WWOX: variants seen among roughly 807,000 people sequenced by gnomAD.
The protein encoded by WWOX is WW domain containing oxidoreductase, also known as WW domain-containing oxidoreductase.
WWOX carries 69 observed loss-of-function variants against 46.2 expected under a neutral mutation model. The ratio of observed to expected loss-of-function variants is 1.49; its 90% confidence interval spans 1.23 to 1.82. WWOX has a LOEUF of 1.82. WWOX is among the 40% of genes most tolerant of loss of function. The pLI is 0.00. For missense variants in WWOX, 919 were observed against 542.6 expected, an observed-to-expected ratio of 1.69 and a Z score of -6.89; for synonymous variants, 359 against 202.6, an observed-to-expected ratio of 1.77 and a Z score of -6.56.
chr16:78,198,801 T>C (rs1328094205), intron 5 of WWOX, among the ~76,000 whole-genome samples: 1 of 152,188 alleles, frequency 6.6e-6, no homozygotes, highest in African/African-American at 2.4e-5. Flanking sequence ...TATATATATA[T>C]GCATTCACAC....
At chr16:78,759,495 T>C (rs2049738133) in intron 8 of WWOX, among the ~76,000 whole-genome samples, 2 of 152,176 alleles carry the variant, frequency 1.3e-5, no homozygotes, top group South Asian at 2.1e-4. Context: ...CCTCTTGACA[T>C]ACAGTGTCAT....
At chr16:78,497,940 C>G (rs935327218) in intron 8 of WWOX, among the ~76,000 whole-genome samples, 16 of 151,870 alleles carry the variant, frequency 1.1e-4, no homozygotes, top group Non-Finnish European at 2.2e-4. Context: ...CAGTAGCTCA[C>G]GCCTGTAATG....
intron 8 of WWOX, among the ~76,000 whole-genome samples, chr16:78,703,519 T>C (rs545916354): frequency 6.6e-6 from 1 of 152,114 alleles, no homozygotes; most frequent in South Asian, 2.1e-4. Flanking sequence ...AGAGGGAGGC[T>C]GAAGCAGGAG....
At chr16:78,703,002 C>G (rs1354301620) in intron 8 of WWOX, among the ~76,000 whole-genome samples, 1 of 152,118 alleles carries the variant, frequency 6.6e-6, no homozygotes, top group African/African-American at 2.4e-5. Context: ...CGCTCCCTTT[C>G]CTAAGAAAAT....
intron 8 of WWOX, among the ~76,000 whole-genome samples, chr16:78,531,120 C>T (rs1198183600): frequency 1.3e-5 from 2 of 152,126 alleles, no homozygotes; most frequent in African/African-American, 4.8e-5. Context: ...TGAGTCTTGG[C>T]ATCTTTTTGG....
At chr16:78,452,793 T>G (rs1388595480) in intron 8 of WWOX, among the ~76,000 whole-genome samples, 9 of 151,140 alleles carry the variant, frequency 6.0e-5, no homozygotes, top group Non-Finnish European at 1.3e-4. Flanking sequence ...AATACGTATT[T>G]ATGTCTTTCG....
chr16:78,991,434 T>C (rs1201331990), intron 8 of WWOX, among the ~76,000 whole-genome samples: 1 of 151,652 alleles, frequency 6.6e-6, no homozygotes, highest in Admixed American at 6.6e-5. Flanking sequence ...TCTCTATAAA[T>C]AATAAAAAAA....
chr16:78,428,664 A>G (rs1481205812), intron 7 of WWOX, among the ~76,000 whole-genome samples: 3 of 152,346 alleles, frequency 2.0e-5, no homozygotes, highest in Admixed American at 6.5e-5. Flanking sequence ...TAGTCATGAC[A>G]TACTTCTGTG....
chr16:78,334,357 T>A (rs1203138898), intron 5 of WWOX, among the ~76,000 whole-genome samples: 1 of 152,086 alleles, frequency 6.6e-6, no homozygotes, highest in African/African-American at 2.4e-5. Context: ...GTCCCCAAAG[T>A]CGATTTTCAA....
Position 78,465,207 on chromosome 16 carries a change from T to C in WWOX, c.1056+32455T>C, listed in dbSNP as rs184757089. Among the ~76,000 whole-genome samples the C allele has an allele frequency of 3.3e-5, 5 of 152,284 alleles. No homozygotes were observed. The East Asian group carries it at 9.6e-4, about 29-fold the overall frequency. On this transcript the variant is annotated intron_variant, in intron 8 of 8. Coordinates refer to ENST00000566780, the MANE Select transcript of WWOX (RefSeq NM_016373.4). ...AGATTTGGGTGGGGACACAGACAAA[T>C]TGTATCATAGAATCATAAAAATTGC... is the stretch of plus-strand genomic sequence containing the variant.
At chr16:78,389,107 C>T (rs891776058) in intron 6 of WWOX, among the ~76,000 whole-genome samples, 1 of 152,174 alleles carries the variant, frequency 6.6e-6, no homozygotes, top group African/African-American at 2.4e-5. Flanking sequence ...CTTGTAGGAA[C>T]AGTGAGATAA....
At chr16:78,512,220 AG>A (rs2085379752) in intron 8 of WWOX, among the ~76,000 whole-genome samples, 1 of 152,204 alleles carries the variant, frequency 6.6e-6, no homozygotes, top group Admixed American at 6.5e-5. Context: ...TACATGGAGA[AG>A]AAACTCCCGA....
chr16:78,283,545 G>A (rs2079717239), intron 5 of WWOX, among the ~76,000 whole-genome samples: 1 of 152,004 alleles, frequency 6.6e-6, no homozygotes, highest in Non-Finnish European at 1.5e-5. Flanking sequence ...TTCCTTGCTG[G>A]CCTTACTGCT....
At chr16:78,706,135 C>G (rs2048324446) in intron 8 of WWOX, among the ~76,000 whole-genome samples, 1 of 129,254 alleles carries the variant, frequency 7.7e-6, no homozygotes, top group South Asian at 2.6e-4. Flanking sequence ...TTATAAAAAT[C>G]ATTCTTAATT....
intron 8 of WWOX, among the ~76,000 whole-genome samples, chr16:78,470,970 A>G (rs2065690875): frequency 6.6e-6 from 1 of 152,222 alleles, no homozygotes; most frequent in African/African-American, 2.4e-5. Context: ...CTAGCCATCA[A>G]GTAAAATCAG....
At chr16:78,779,693 C>A (rs2050277756) in intron 8 of WWOX, among the ~76,000 whole-genome samples, 1 of 152,194 alleles carries the variant, frequency 6.6e-6, no homozygotes, top group Non-Finnish European at 1.5e-5. Flanking sequence ...CTGGGATCAC[C>A]ACAGCCCATC....
chr16:78,233,673 C>G (rs980463067), intron 5 of WWOX, among the ~76,000 whole-genome samples: 1 of 151,966 alleles, frequency 6.6e-6, no homozygotes, highest in East Asian at 1.9e-4. Flanking sequence ...ACTACAGGCG[C>G]CTGCCACTAC....
At chr16:78,437,727 C>G (rs894717548) in intron 8 of WWOX, among the ~76,000 whole-genome samples, 4 of 152,142 alleles carry the variant, frequency 2.6e-5, no homozygotes, top group Non-Finnish European at 4.4e-5. Context: ...AAAAAAGATG[C>G]AATATACTTC....
At chr16:78,917,507 A>G (rs749837014) in intron 8 of WWOX, among the ~76,000 whole-genome samples, 39 of 151,980 alleles carry the variant, frequency 2.6e-4, no homozygotes, top group Admixed American at 6.5e-5. Context: ...AATTTAATTC[A>G]AGACTTCATG....
Sources: gnomAD v4.1 joint callset for allele counts (sites outside exome capture counted in the v4.1 genomes callset) on GRCh38, gnomAD v4.1.1 for gene constraint, MANE v1.5 for transcripts, NCBI Gene and HGNC (gene_info 2026-07-23, HGNC 2026-07-21) for gene names.